Variants in MYO18A observed in about 807,000 individuals in gnomAD.
The protein encoded by MYO18A is myosin XVIIIA.
A neutral mutation model predicts 235.8 loss-of-function variants in MYO18A; 78 were observed. The ratio of observed to expected loss-of-function variants is 0.33; its 90% CI spans 0.28 to 0.40. MYO18A has a LOEUF of 0.40. Ranked by LOEUF, MYO18A falls within the 10% of genes least tolerant of loss-of-function variation. MYO18A has a pLI of 1.00. For synonymous variants in MYO18A, 977 were observed against 1,077.8 expected (o/e 0.91, Z 1.83); for missense variants, 2,215 against 2,699.3 (o/e 0.82, Z 3.98).
intron 1 of MYO18A, among the ~76,000 whole-genome samples, chr17:29,173,439 G>A (rs1161518111): frequency 7.1e-6 from 1 of 141,732 alleles, no homozygotes; most frequent in African/African-American, 2.7e-5. Context: ...CCAGGCCAGA[G>A]TGCAGTGGCA....
rs2066608577 is a variant in MYO18A at position 29,099,658 on chromosome 17, G to A, written c.3612C>T (p.Ala1204=). 6.2e-7 allele frequency: 1 copy of A among 1,613,618 alleles called. No individual in the cohort carries two copies. Among genetic ancestry groups the A allele is most frequent in the Non-Finnish European group, 8.5e-7 (1 of 1,179,818 alleles). The change falls in exon 22 of 42, where the codon GCC becomes GCT. Residue 1204 remains alanine (A), a synonymous_variant. Transcript: ENST00000527372. ...LFQAACRGYL[A]RQHFKKRKIQ... ...CCTTTCTCTTCTTGAAGTGCTGGCG[G>A]GCCAGGTAGCCCCTGCAGGCTGCTT... is the stretch of plus-strand genomic sequence containing the variant.
intron 20 of MYO18A, among the ~76,000 whole-genome samples, chr17:29,104,193 T>C (rs1243550880): frequency 6.6e-6 from 1 of 152,142 alleles, no homozygotes; most frequent in Non-Finnish European, 1.5e-5. Flanking sequence ...GGGATGGGCA[T>C]GATCAGGTCT....
chr17:29,178,066 G>C (rs1214984471), intron 1 of MYO18A, among the ~76,000 whole-genome samples: 15 of 152,156 alleles, frequency 9.9e-5, no homozygotes. Context: ...GGGGGACCCA[G>C]AGTTTTCAGG....
intron 2 of MYO18A, among the ~76,000 whole-genome samples, chr17:29,152,153 G>A (rs781314045): frequency 6.6e-6 from 1 of 152,224 alleles, no homozygotes; most frequent in Non-Finnish European, 1.5e-5. Flanking sequence ...GCTCATATGG[G>A]TGGTGGAAGG....
Position 29,073,136 on chromosome 17 carries a change from AGAGAAG to A in MYO18A, c.*1628_*1633del, listed in dbSNP as rs1032338098. On this transcript the variant is annotated 3_prime_UTR_variant, in exon 42 of 42. Transcript: ENST00000527372. ...GAGAGAGGGAGGGACGGAAGGAGGA[AGAGAAG>A]AGAAGAGAAGAGAATCTCTGTAATT... 1 of 55,836 alleles carries A rather than the reference AGAGAAG, an allele frequency of 1.8e-5. No individual in the cohort carries two copies. Among genetic ancestry groups the A allele is most frequent in the African/African-American group, 1.0e-4 (1 of 9,742 alleles). The allele number at this position is 55,836 out of a possible 1,614,324, so 3.5% of individuals were successfully genotyped here.
chr17:29,094,116 G>A (rs1401550345), intron 30 of MYO18A, 26 bp from the exon 31 acceptor site: 1 of 1,562,232 alleles, frequency 6.4e-7, no homozygotes, highest in African/African-American at 1.4e-5. Flanking sequence ...GTAGGGTCTG[G>A]GTTCCCTCCC....
At chr17:29,177,799 A>G (rs925388174) in intron 1 of MYO18A, among the ~76,000 whole-genome samples, 2 of 152,040 alleles carry the variant, frequency 1.3e-5, no homozygotes, top group East Asian at 3.9e-4. Context: ...CAGGCCACCA[A>G]CAAAACCCAG....
chr17:29,084,016 A>G (rs1423028630), intron 40 of MYO18A, among the ~76,000 whole-genome samples: 1 of 152,174 alleles, frequency 6.6e-6, no homozygotes, highest in Non-Finnish European at 1.5e-5. Context: ...CTGTATCTCT[A>G]AGTAAATCGA....
In MYO18A at chr17:29,073,807, G is replaced by A. The variant is rs746358217; in HGVS notation, c.*963C>T. 6.5e-7 allele frequency: 1 copy of A among 1,542,292 alleles called. No individual in the cohort carries two copies. The highest frequency in any genetic ancestry group is 1.2e-5 in the South Asian group (1 of 80,798). ...CAGAGTGAGGACTCATGTCTAATGA[G>A]CACCGGCCAAAACTTCCATCTTCAG... is the stretch of plus-strand genomic sequence containing the variant. On this transcript the variant is annotated 3_prime_UTR_variant, in exon 42 of 42. Coordinates refer to ENST00000527372, the MANE Select transcript of MYO18A (RefSeq NM_078471.4).
intron 15 of MYO18A, among the ~76,000 whole-genome samples, chr17:29,112,178 G>A (rs986555088): frequency 2.0e-5 from 3 of 152,152 alleles, no homozygotes; most frequent in East Asian, 1.9e-4. Context: ...CTCCACCCTC[G>A]TCCCCTCGGA....
rs549748315 is a variant in MYO18A at position 29,100,615 on chromosome 17, C to T, written c.3508-853G>A. Among the ~76,000 whole-genome samples, 7 of 152,216 alleles carry T rather than the reference C, an allele frequency of 4.6e-5. No homozygotes were observed. In the East Asian group the frequency reaches 5.8e-4, roughly 13 times the overall value. ...GCCACAAAGGGAAGTGTGTGTGAAACGGGAAGGGTCGGGTGAAAAAAATAG... is the reference window on the plus strand; with the variant it reads ...GCCACAAAGGGAAGTGTGTGTGAAATGGGAAGGGTCGGGTGAAAAAAATAG... On this transcript the variant is annotated intron_variant, in intron 21 of 41. Coordinates refer to ENST00000527372, the MANE Select transcript of MYO18A (RefSeq NM_078471.4).
chr17:29,074,336 C>T lies in MYO18A; in HGVS notation c.*434G>A, dbSNP rs1598251696. ...GGCACCAAGAAGAGAGAGCCCCCAC[C>T]CCACACGAGAGGGAAGGCACTGCTT... On this transcript the variant is annotated 3_prime_UTR_variant, in exon 42 of 42. Transcript: ENST00000527372. This position sits in a 1 kb window ranked among gnomAD's most constrained non-coding sequence, Gnocchi z 4.4. 3.7e-6 allele frequency: 3 copies of T among 803,136 alleles called. No homozygotes were observed. The highest frequency in any genetic ancestry group is 5.4e-5 in the East Asian group (2 of 36,944). 49.8% of individuals were successfully genotyped at this position (803,136 alleles called of 1,614,324 possible).
chr17:29,108,618 C>T (rs552614985), intron 19 of MYO18A, among the ~76,000 whole-genome samples: 9 of 152,312 alleles, frequency 5.9e-5, no homozygotes, highest in South Asian at 4.1e-4. Flanking sequence ...ACAGCAATGA[C>T]GGGCTAGCTG....
At chr17:29,096,190 T>TCCCCAGGGTGCCCTGCTGGG (rs1318587835) in intron 28 of MYO18A, among the ~76,000 whole-genome samples, 1 of 152,160 alleles carries the variant, frequency 6.6e-6, no homozygotes, top group African/African-American at 2.4e-5. Flanking sequence ...AAATGGGCAC[T>TCCCCAGGGTGCCCTGCTGGG]GTTCCCGCTC....
Position 29,125,944 on chromosome 17 carries a change from C to T in MYO18A, c.1000-3691G>A. Reference sequence around the variant, plus strand: ...GCTGGTGGGCCTCTTCCACGGGGGTCAGCTGGACCTTGGCAGCTCCTGCCT... The same window carrying T: ...GCTGGTGGGCCTCTTCCACGGGGGTTAGCTGGACCTTGGCAGCTCCTGCCT... On this transcript the variant is annotated intron_variant, in intron 2 of 41. Transcript: ENST00000527372. This position sits in a 1 kb window ranked among gnomAD's most constrained non-coding sequence, Gnocchi z 5.1. 1.0e-6 allele frequency: 1 copy of T among 985,474 alleles called. No individual in the cohort carries two copies. The highest frequency in any genetic ancestry group is 1.2e-6 in the Non-Finnish European group (1 of 829,542). 61.0% of individuals were successfully genotyped at this position (985,474 alleles called of 1,614,324 possible).
At chr17:29,156,987 C>A (rs1268279321) in intron 2 of MYO18A, among the ~76,000 whole-genome samples, 1 of 152,218 alleles carries the variant, frequency 6.6e-6, no homozygotes, top group Non-Finnish European at 1.5e-5. Context: ...ACAGAGGAAA[C>A]AACAGCGTGG....
chr17:29,107,013 A>C, intron 20 of MYO18A, 67 bp downstream of exon 20: 1 of 1,447,228 alleles, frequency 6.9e-7, no homozygotes, highest in Non-Finnish European at 9.7e-7. Context: ...AAGGCAGATG[A>C]GTCTGGAAAG....
chr17:29,094,385 G>A, intron 30 of MYO18A: 1 of 601,614 alleles, frequency 1.7e-6, no homozygotes, highest in Non-Finnish European at 2.9e-6. Context: ...AGGCTGGGTG[G>A]GCCTGTGGCC....
At chr17:29,080,939 A>G in intron 41 of MYO18A, 2 of 985,396 alleles carry the variant, frequency 2.0e-6, no homozygotes, top group South Asian at 9.4e-5. Flanking sequence ...CGCTTCCGAT[A>G]GCTCAGGGAG....
Sources: allele counts gnomAD v4.1 joint callset (sites outside exome capture counted in the v4.1 genomes callset), GRCh38; gene constraint gnomAD v4.1.1; non-coding constraint Gnocchi (gnomAD v3.1); transcripts MANE v1.5; gene names NCBI Gene and HGNC (gene_info 2026-07-23, HGNC 2026-07-21).